Variants in SNX2 observed in about 807,000 individuals in gnomAD.
SNX2 encodes the protein sorting nexin-2.
SNX2 carries 25 observed loss-of-function variants against 69.9 expected under a neutral mutation model. That is an observed-to-expected ratio of 0.36 (90% CI 0.26 to 0.50). The LOEUF is 0.50. SNX2 is among the 20% of genes least tolerant of loss of function. The probability of loss-of-function intolerance (pLI) is 0.97; values close to 1 mark genes in which losing one functional copy is unlikely to be tolerated. For synonymous variants in SNX2, 229 were observed against 200.4 expected, an observed-to-expected ratio of 1.14 and a Z score of -1.20; for missense variants, 551 against 613.3, an observed-to-expected ratio of 0.90 and a Z score of 1.07.
At chr5:122,781,692 G>A (rs914321929) in intron 1 of SNX2, among the ~76,000 whole-genome samples, 15 of 152,042 alleles carry the variant, frequency 9.9e-5, no homozygotes, top group African/African-American at 2.9e-4. Flanking sequence ...TTTAATTTTA[G>A]GCAGTGGTGA....
intron 5 of SNX2, among the ~76,000 whole-genome samples, chr5:122,802,671 G>T (rs150840745): frequency 2.0e-5 from 3 of 152,170 alleles, no homozygotes; most frequent in Non-Finnish European, 2.9e-5. Flanking sequence ...TAGAGGTCAG[G>T]ATTTCCAGTT....
In SNX2 at chr5:122,803,657, A is replaced by G. The variant is rs539527260; in HGVS notation, c.643+44A>G. The G allele has an allele frequency of 3.8e-5, 56 of 1,491,434 alleles. No homozygotes were observed. In the South Asian group the frequency reaches 4.1e-4, roughly 11 times the overall value. 92.4% of individuals were successfully genotyped at this position (1,491,434 alleles called of 1,614,324 possible). A position where few individuals can be genotyped will look rare whatever the true frequency, so the allele number is the denominator to read the frequency against. On this transcript the variant is annotated intron_variant, in intron 6 of 14. Coordinates refer to ENST00000379516, the MANE Select transcript of SNX2 (RefSeq NM_003100.4). ...AAAATTAATTTTTGTTACTGTTACTAGTTCAGTTTTAACTGTATAGATTTG... is the reference window on the plus strand; with the variant it reads ...AAAATTAATTTTTGTTACTGTTACTGGTTCAGTTTTAACTGTATAGATTTG...
intron 8 of SNX2, 35 bp from the exon 9 acceptor site, chr5:122,816,880 C>T (rs1217384174): frequency 1.3e-5 from 17 of 1,327,778 alleles, no homozygotes; most frequent in East Asian, 4.7e-5. Context: ...GGCTTTTAAC[C>T]GGTTTGTTTG....
At chr5:122,796,459 A>G (rs1445572223) in intron 2 of SNX2, among the ~76,000 whole-genome samples, 1 of 146,512 alleles carries the variant, frequency 6.8e-6, no homozygotes, top group Non-Finnish European at 1.5e-5. Context: ...GATACCAAAT[A>G]CCAATCATCT....
At chr5:122,781,272 A>G (rs1321679041) in intron 1 of SNX2, among the ~76,000 whole-genome samples, 1 of 152,168 alleles carries the variant, frequency 6.6e-6, no homozygotes, top group Non-Finnish European at 1.5e-5. Context: ...AGATTATGAA[A>G]CTTTTAGAGT....
chr5:122,775,444 G>T, intron 1 of SNX2: 2 of 1,229,546 alleles, frequency 1.6e-6, no homozygotes, highest in Non-Finnish European at 2.0e-6. Context: ...TCCTCAGAGG[G>T]GCCAGAACCG....
At chr5:122,824,821 A>G (rs1754117764) in intron 11 of SNX2, among the ~76,000 whole-genome samples, 1 of 152,232 alleles carries the variant, frequency 6.6e-6, no homozygotes, top group African/African-American at 2.4e-5. Flanking sequence ...TGTGTATGTT[A>G]TTTAGAAGTA....
chr5:122,787,658 C>A (rs1753122800), intron 1 of SNX2, among the ~76,000 whole-genome samples: 1 of 152,188 alleles, frequency 6.6e-6, no homozygotes. Context: ...TGCTCCCCAG[C>A]AGCCTCTACT....
intron 1 of SNX2, among the ~76,000 whole-genome samples, chr5:122,793,916 C>CCAA (rs1200993022): frequency 9.9e-6 from 1 of 100,968 alleles, no homozygotes; most frequent in African/African-American, 3.6e-5. Context: ...TCTGTCCCCC[C>CCAA]AAAAAAAAAA....
chr5:122,798,754 C>T (rs538993289), intron 2 of SNX2, among the ~76,000 whole-genome samples: 5 of 152,040 alleles, frequency 3.3e-5, no homozygotes, highest in African/African-American at 1.2e-4. Flanking sequence ...TCATGGAATT[C>T]TTTCTTCATT....
Position 122,831,198 on chromosome 5 carries a change from C to A in SNX2, c.*1550C>A, listed in dbSNP as rs1025456467. ...GGATACAATTTATATATCGAAGTATCCTTAGCATGTGTTTGCTTCTGCTTT... is the reference window on the plus strand; with the variant it reads ...GGATACAATTTATATATCGAAGTATACTTAGCATGTGTTTGCTTCTGCTTT... On this transcript the variant is annotated 3_prime_UTR_variant, in exon 15 of 15. Coordinates refer to ENST00000379516, the MANE Select transcript of SNX2 (RefSeq NM_003100.4). Among the ~76,000 whole-genome samples, 1 of 152,052 alleles carries A rather than the reference C, an allele frequency of 6.6e-6. No individual in the cohort carries two copies. Among genetic ancestry groups the A allele is most frequent in the Admixed American group, 6.6e-5 (1 of 15,260 alleles).
intron 11 of SNX2, among the ~76,000 whole-genome samples, chr5:122,819,406 T>A (rs534353681): frequency 3.9e-5 from 6 of 152,302 alleles, no homozygotes; most frequent in Admixed American, 2.6e-4. Flanking sequence ...CCAGAAACGA[T>A]TATTGCAGTG....
intron 1 of SNX2, among the ~76,000 whole-genome samples, chr5:122,791,116 T>G (rs574262144): frequency 1.8e-5 from 2 of 108,608 alleles, no homozygotes; most frequent in Admixed American, 1.1e-4. Flanking sequence ...ATAGGCTATT[T>G]CAATTTTTTT....
chr5:122,829,787 CA>C lies in SNX2; in HGVS notation c.*140del. ...ATGTGGTTTTATATACACACACACA[CA>C]CACACACACACACACACACACACTC... On this transcript the variant is annotated 3_prime_UTR_variant, in exon 15 of 15. Transcript: ENST00000379516. 5.3e-6 allele frequency: 2 copies of C among 380,772 alleles called. No homozygotes were observed. Among genetic ancestry groups the C allele is most frequent in the Admixed American group, 3.9e-5 (1 of 25,724 alleles). 23.6% of individuals were successfully genotyped at this position (380,772 alleles called of 1,614,324 possible). A position where few individuals can be genotyped will look rare whatever the true frequency, so the allele number is the denominator to read the frequency against.
intron 3 of SNX2, 44 bp downstream of exon 3, chr5:122,799,899 T>G: frequency 6.8e-7 from 1 of 1,464,362 alleles, no homozygotes; most frequent in Non-Finnish European, 9.4e-7. Flanking sequence ...ATATATACCT[T>G]TTTTCCCCAC....
chr5:122,827,264 C>T (rs1754170126), intron 12 of SNX2, 115 bp from the exon 13 acceptor site: 6 of 785,188 alleles, frequency 7.6e-6, no homozygotes, highest in Non-Finnish European at 1.0e-5. Context: ...TTGTGCATTG[C>T]CAATATTGAG....
intron 1 of SNX2, among the ~76,000 whole-genome samples, chr5:122,776,709 A>ACTGTATCCT: frequency 6.6e-6 from 1 of 152,306 alleles, no homozygotes; most frequent in East Asian, 1.9e-4. Flanking sequence ...CAGTTTTTCT[A>ACTGTATCCT]CCAGCGAGAA....
At position 122,818,866 on chromosome 5, in the gene SNX2, GTAA is replaced by G; in HGVS notation, c.1057_1059del (p.Asn353del). ...TTTGCTAAAAGTGCTGCCATGTTAG[GTAA>G]TTCTGAGGATCATACTGCTTTATCT... On this transcript the variant is annotated inframe_deletion, in exon 11 of 15. Transcript: ENST00000379516. 6.2e-7 allele frequency: 1 copy of G among 1,613,902 alleles called. No individual in the cohort carries two copies.
intron 5 of SNX2, among the ~76,000 whole-genome samples, chr5:122,802,443 AAAGC>A (rs1297051638): frequency 1.3e-5 from 2 of 152,202 alleles, no homozygotes; most frequent in Non-Finnish European, 2.9e-5. Flanking sequence ...AAAAGTGAAG[AAAGC>A]ATTGTGCTTT....
Sources: allele counts gnomAD v4.1 joint callset (sites outside exome capture counted in the v4.1 genomes callset), GRCh38; gene constraint gnomAD v4.1.1; transcripts MANE v1.5; gene names NCBI Gene and HGNC (gene_info 2026-07-23, HGNC 2026-07-21).